ZNF619: variants seen among roughly 807,000 people sequenced by gnomAD.
ZNF619 encodes zinc finger protein 619.
ZNF619 carries 9 observed loss-of-function variants against 14.2 expected under a neutral mutation model. The ratio of observed to expected loss-of-function variants is 0.64; its 90% CI spans 0.38 to 1.11. The LOEUF is 1.11. ZNF619 is among the 50% of genes least tolerant of loss of function. The pLI is 0.01. For synonymous variants in ZNF619, 246 were observed against 252.8 expected, an observed-to-expected ratio of 0.97 and a Z score of 0.26; for missense variants, 659 against 680.1, an observed-to-expected ratio of 0.97 and a Z score of 0.34.
chr3:40,479,974 A>G (rs758984331), intron 2 of ZNF619, among the ~76,000 whole-genome samples: 8 of 152,220 alleles, frequency 5.3e-5, no homozygotes, highest in African/African-American at 1.4e-4. Context: ...AAGGGAGTCA[A>G]TAGCCCCACT....
chr3:40,482,710 C>A lies in ZNF619; in HGVS notation c.295+6C>A. ...CCTGAGAGGCATGTGCACAGGTGAG[C>A]AGGAGAGCCTACCATCCTCCTTTCC... On this transcript the variant is annotated splice_donor_region_variant and intron_variant, in intron 4 of 4. Transcript: ENST00000432264. 1.3e-6 allele frequency: 2 copies of A among 1,597,394 alleles called. No individual in the cohort carries two copies. Among genetic ancestry groups the A allele is most frequent in the Non-Finnish European group, 1.7e-6 (2 of 1,171,300 alleles).
In ZNF619 at chr3:40,488,015, C is replaced by T. The variant is rs1249474485; in HGVS notation, c.1505C>T (p.Ser502Phe). The T allele has an allele frequency of 1.2e-6, 2 of 1,614,114 alleles. No homozygotes were observed. The highest frequency in any genetic ancestry group is 1.3e-5 in the African/African-American group (1 of 75,058). ...VKPYCPCAIL[S>F]PLPPQHTCSA... is the part of the protein sequence containing the mutation. ...CCCTACTGTCCCTGCGCCATCCTCT[C>T]TCCTCTGCCTCCCCAACATACCTGC... The change falls in exon 5 of 5, where the codon TCT (serine) becomes TTT (phenylalanine). Residue 502 changes from serine (S) to phenylalanine (F), a missense_variant. Transcript: ENST00000432264.
chr3:40,479,287 C>G (rs56303661), intron 2 of ZNF619, among the ~76,000 whole-genome samples: 37,849 of 152,088 alleles, frequency 0.25, 5,726 homozygotes, highest in East Asian at 0.48. Context: ...ATTGGCCCCA[C>G]TTGGTTGCCC....
At position 40,489,112 on chromosome 3, in the gene ZNF619, T is replaced by C. The variant is rs753404820; in HGVS notation, c.*871T>C. ...AAATGAAGTGATGAGTTGGCATTGA[T>C]AGCAATAATGTAAAATTATGTCTTT... is the stretch of plus-strand genomic sequence containing the variant. On this transcript the variant is annotated 3_prime_UTR_variant, in exon 5 of 5. Transcript: ENST00000432264. 10 of 151,952 alleles carry C rather than the reference T, an allele frequency of 6.6e-5. No individual in the cohort carries two copies. The highest frequency in any genetic ancestry group is 2.0e-4 in the Admixed American group (3 of 15,262). 9.4% of individuals were successfully genotyped at this position (151,952 alleles called of 1,614,324 possible). A position where few individuals can be genotyped will look rare whatever the true frequency, so the allele number is the denominator to read the frequency against.
rs1444309349 is a variant in ZNF619, at chr3:40,488,278, T to A, written c.*37T>A. The A allele has an allele frequency of 9.8e-7, 1 of 1,024,246 alleles. No individual in the cohort carries two copies. The highest frequency in any genetic ancestry group is 1.5e-6 in the Non-Finnish European group (1 of 673,956). 63.4% of individuals were successfully genotyped at this position (1,024,246 alleles called of 1,614,324 possible). On this transcript the variant is annotated 3_prime_UTR_variant, in exon 5 of 5. Transcript: ENST00000432264. ...TTCTCAAAATCCTTTGCACCTCAAGTTAGGGATTCCACTGGTCTCCTGATT... is the reference window on the plus strand; with the variant it reads ...TTCTCAAAATCCTTTGCACCTCAAGATAGGGATTCCACTGGTCTCCTGATT...
In ZNF619 at chr3:40,488,401, G is replaced by A. The variant is rs1697711889; in HGVS notation, c.*160G>A. 1.7e-6 allele frequency: 1 copy of A among 576,326 alleles called. No individual in the cohort carries two copies. The highest frequency in any genetic ancestry group is 1.9e-5 in the African/African-American group (1 of 53,474). The allele number at this position is 576,326 out of a possible 1,614,324, so 35.7% of individuals were successfully genotyped here. ...CACGCTTAAGGACCATGTTTGATTAGTTTCTTTTATCCCCCGGTAGGAAAT... is the reference window on the plus strand; with the variant it reads ...CACGCTTAAGGACCATGTTTGATTAATTTCTTTTATCCCCCGGTAGGAAAT... On this transcript the variant is annotated 3_prime_UTR_variant, in exon 5 of 5. Transcript: ENST00000432264.
chr3:40,483,631 G>C (rs1559537536), intron 4 of ZNF619: 1 of 450,026 alleles, frequency 2.2e-6, no homozygotes, highest in South Asian at 1.6e-5. Flanking sequence ...TTATTTATTT[G>C]TTTGTTTATT....
chr3:40,483,283 T>G (rs1697467102), intron 4 of ZNF619, among the ~76,000 whole-genome samples: 1 of 151,946 alleles, frequency 6.6e-6, no homozygotes, highest in Admixed American at 6.6e-5. Context: ...TAGTAAGAAC[T>G]TGGTTTTGGT....
At chr3:40,481,841 C>T (rs1214371826) in intron 2 of ZNF619, 22 bp from the exon 3 acceptor site, 3 of 1,583,622 alleles carry the variant, frequency 1.9e-6, no homozygotes, top group Admixed American at 1.9e-5. Flanking sequence ...GAATTCAGGC[C>T]TCTCCCTCTG....
Position 40,488,075 on chromosome 3 carries a change from C to CT in ZNF619, c.1567dup (p.Ser523PhefsTer20). 6.2e-7 allele frequency: 1 copy of CT among 1,614,236 alleles called. No homozygotes were observed. The highest frequency in any genetic ancestry group is 8.5e-7 in the Non-Finnish European group (1 of 1,180,042). On this transcript the variant is annotated frameshift_variant, in exon 5 of 5. Coordinates refer to ENST00000432264, the MANE Select transcript of ZNF619 (RefSeq NM_001145093.4). LOFTEE classifies it low-confidence loss of function (END_TRUNC). Reference sequence around the variant, plus strand: ...GCCCCACCAGGGCCTCCCTTATCTTCTTCACATGCAGTGGTACTTCCTCCC... The same window carrying CT: ...GCCCCACCAGGGCCTCCCTTATCTTCTTTCACATGCAGTGGTACTTCCTCCC...
At position 40,490,248 on chromosome 3, in the gene ZNF619, G is replaced by A. The variant is rs1254609336; in HGVS notation, c.*2007G>A. The A allele has an allele frequency of 4.6e-5, 7 of 152,146 alleles. No individual in the cohort carries two copies. The highest frequency in any genetic ancestry group is 7.3e-5 in the Non-Finnish European group (5 of 68,038). The allele number at this position is 152,146 out of a possible 1,614,324, so 9.4% of individuals were successfully genotyped here. ...ATTCTGTATAAATTACCCAGTCTAT[G>A]GTATTCAGTTAGAGCCACACAAAAT... On this transcript the variant is annotated 3_prime_UTR_variant, in exon 5 of 5. Transcript: ENST00000432264.
In ZNF619 at chr3:40,477,906, G is replaced by A. The variant is rs930231680; in HGVS notation, c.-62-12G>A. Reference sequence around the variant, plus strand: ...GACGAGACAGATCAGTCTCATTGTGGTTCTCTCTTAGCTCCGCAGGTTCTT... The same window carrying A: ...GACGAGACAGATCAGTCTCATTGTGATTCTCTCTTAGCTCCGCAGGTTCTT... On this transcript the variant is annotated splice_polypyrimidine_tract_variant and intron_variant, in intron 1 of 4. Transcript: ENST00000432264. The A allele has an allele frequency of 2.8e-6, 4 of 1,454,196 alleles. No individual in the cohort carries two copies. Among genetic ancestry groups the A allele is most frequent in the Admixed American group, 2.0e-5 (1 of 50,734 alleles). The allele number at this position is 1,454,196 out of a possible 1,614,324, so 90.1% of individuals were successfully genotyped here.
chr3:40,486,687 G>A (rs1286569589), intron 4 of ZNF619, 119 bp from the exon 5 acceptor site: 4 of 688,936 alleles, frequency 5.8e-6, no homozygotes, highest in Non-Finnish European at 9.3e-6. Flanking sequence ...GGCAACAAGA[G>A]TGAAACTCCA....
rs1200763868 is a variant in ZNF619, at chr3:40,489,836, T to G, written c.*1595T>G. 1 of 152,250 alleles carries G rather than the reference T, an allele frequency of 6.6e-6. No individual in the cohort carries two copies. Among genetic ancestry groups the G allele is most frequent in the Non-Finnish European group, 1.5e-5 (1 of 68,052 alleles). The allele number at this position is 152,250 out of a possible 1,614,324, so 9.4% of individuals were successfully genotyped here. A position where few individuals can be genotyped will look rare whatever the true frequency, so the allele number is the denominator to read the frequency against. ...CTCCAGATTTCCCTATGATTAAATC[T>G]GAATTTTATTGGTGGCACTTTTAAA... On this transcript the variant is annotated 3_prime_UTR_variant, in exon 5 of 5. Coordinates refer to ENST00000432264, the MANE Select transcript of ZNF619 (RefSeq NM_001145093.4).
Position 40,487,199 on chromosome 3 carries a change from A to G in ZNF619, c.689A>G (p.Lys230Arg). The G allele has an allele frequency of 6.2e-7, 1 of 1,614,222 alleles. No individual in the cohort carries two copies. The highest frequency in any genetic ancestry group is 1.1e-5 in the South Asian group (1 of 91,086). ...HLHQRVHTNE[K>R]PYTCKECGKT... is the part of the protein sequence containing the mutation. ...CATCAGAGAGTTCACACTAATGAGA[A>G]GCCCTACACATGCAAAGAATGTGGG... Residue 230 changes from lysine to arginine, a missense_variant, in exon 5 of 5, where the codon AAG (lysine) becomes AGG (arginine). Lys to Arg is a conservative substitution (Grantham distance 26). Coordinates refer to ENST00000432264, the MANE Select transcript of ZNF619 (RefSeq NM_001145093.4).
intron 2 of ZNF619, 132 bp from the exon 3 acceptor site, chr3:40,481,731 C>T (rs578146007): frequency 2.5e-4 from 291 of 1,184,920 alleles, no homozygotes; most frequent in Non-Finnish European, 3.2e-4. Flanking sequence ...AATGCTGGCT[C>T]GGGGCTGCCC....
chr3:40,489,302 C>T lies in ZNF619; in HGVS notation c.*1061C>T, dbSNP rs929493532. 1.4e-5 allele frequency: 2 copies of T among 147,300 alleles called. No homozygotes were observed. The highest frequency in any genetic ancestry group is 6.7e-5 in the Admixed American group (1 of 15,012). 9.1% of individuals were successfully genotyped at this position (147,300 alleles called of 1,614,324 possible). A position where few individuals can be genotyped will look rare whatever the true frequency, so the allele number is the denominator to read the frequency against. Reference sequence around the variant, plus strand: ...TGACCTTCCAGGCTCAAGCAATCCTCCCACCTCAGCTTCCCAAGAAGCTGG... The same window carrying T: ...TGACCTTCCAGGCTCAAGCAATCCTTCCACCTCAGCTTCCCAAGAAGCTGG... On this transcript the variant is annotated 3_prime_UTR_variant, in exon 5 of 5. Transcript: ENST00000432264.
chr3:40,487,598 A>G lies in ZNF619; in HGVS notation c.1088A>G (p.Gln363Arg), dbSNP rs2125644690. The G allele has an allele frequency of 1.2e-6, 2 of 1,614,252 alleles. No individual in the cohort carries two copies. Among genetic ancestry groups the G allele is most frequent in the Middle Eastern group, 1.6e-4 (1 of 6,062 alleles). ...TCTAATTCAGTTCTGATTCAGCATC[A>G]GAGAATCCACACTGGGGAGAAACCT... The part of the protein sequence containing the change: ...LSSNSVLIQH[Q>R]RIHTGEKPYE... The change falls in exon 5 of 5, where the codon CAG becomes CGG. Residue 363 changes from glutamine (Q) to arginine (R), a missense_variant. By Grantham distance (43) the Gln-to-Arg change is conservative. Coordinates refer to ENST00000432264, the MANE Select transcript of ZNF619 (RefSeq NM_001145093.4).
Position 40,486,846 on chromosome 3 carries a change from G to A in ZNF619, c.336G>A (p.Gln112=). ...CTGAGAATGAGGAAAAAACTGCACA[G>A]CTAAACATTTCTAAAGAATCAGAGT... ...TKTENEEKTA[Q]LNISKESESH... The change falls in exon 5 of 5, where the codon CAG becomes CAA. Residue 112 remains glutamine, a synonymous_variant. Coordinates refer to ENST00000432264, the MANE Select transcript of ZNF619 (RefSeq NM_001145093.4). 6.2e-7 allele frequency: 1 copy of A among 1,610,820 alleles called. No homozygotes were observed.
Sources: allele counts gnomAD v4.1 joint callset (sites outside exome capture counted in the v4.1 genomes callset), GRCh38; gene constraint gnomAD v4.1.1; transcripts MANE v1.5; gene names NCBI Gene and HGNC (gene_info 2026-07-23, HGNC 2026-07-21).